The following PNPLA8 variants were observed in gnomAD, a reference collection of about 807,000 sequenced individuals.
PNPLA8 encodes patatin like domain 8, phospholipase A2.
PNPLA8 carries 39 observed loss-of-function variants against 76.9 expected under a neutral mutation model. The observed-to-expected ratio is 0.51, with a 90% CI of 0.39 to 0.66. The LOEUF (loss-of-function observed/expected upper bound fraction) is 0.66, where lower values mean the gene tolerates loss of function less well. PNPLA8 is among the 30% of genes least tolerant of loss of function. The pLI is 0.00. For synonymous variants in PNPLA8, 301 were observed against 307.9 expected (o/e 0.98, Z 0.24); for missense variants, 887 against 918.0 (o/e 0.97, Z 0.44).
intron 4 of PNPLA8, chr7:108,511,100 T>C: frequency 1.6e-6 from 1 of 643,234 alleles, no homozygotes; most frequent in South Asian, 2.2e-5. Flanking sequence ...AGCATTTCTC[T>C]TTCCTTTCCT....
At chr7:108,512,014 C>T (rs916439438) in intron 4 of PNPLA8, among the ~76,000 whole-genome samples, 7 of 152,100 alleles carry the variant, frequency 4.6e-5, no homozygotes. Flanking sequence ...AGAAGAAACC[C>T]GTGGCAACTT....
Position 108,479,939 on chromosome 7 carries a change from T to C in PNPLA8, c.1879-560A>G, listed in dbSNP as rs1327363855. Among the ~76,000 whole-genome samples, 3 of 152,176 alleles carry C rather than the reference T, an allele frequency of 2.0e-5. No homozygotes were observed. In the East Asian group the frequency reaches 5.8e-4, roughly 29 times the overall value. ...CTTCAAAAGGAAACAAAGGTATTAA[T>C]AAAATATGCTGATAGAGCACTATAA... is the stretch of plus-strand genomic sequence containing the variant. On this transcript the variant is annotated intron_variant, in intron 9 of 10. Transcript: ENST00000257694.
rs1321495813 is a variant in PNPLA8 at position 108,514,448 on chromosome 7, A to T, written c.1044T>A (p.Leu348=). 1.2e-6 allele frequency: 2 copies of T among 1,605,500 alleles called. No individual in the cohort carries two copies. The highest frequency in any genetic ancestry group is 8.5e-7 in the Non-Finnish European group (1 of 1,176,526). ...RNAEEKKRLS[L]QREKIIARVS... ...CTGAACAACTTGCCTTTTCTCGCTG[A>T]AGAGATAAACGCTTTTTCTCCTCTG... Residue 348 remains leucine (L), a synonymous_variant, in exon 3 of 11, where the codon CTT becomes CTA. Coordinates refer to ENST00000257694, the MANE Select transcript of PNPLA8 (RefSeq NM_001256007.3).
At chr7:108,495,133 TG>T (rs1861460729) in intron 7 of PNPLA8, among the ~76,000 whole-genome samples, 1 of 152,134 alleles carries the variant, frequency 6.6e-6, no homozygotes, top group Admixed American at 6.5e-5. Flanking sequence ...ACCACTGTAT[TG>T]AAGAACAAAT....
intron 9 of PNPLA8, among the ~76,000 whole-genome samples, chr7:108,484,910 A>G (rs1417189121): frequency 1.3e-5 from 2 of 152,208 alleles, no homozygotes; most frequent in African/African-American, 4.8e-5. Flanking sequence ...CTGTCCAGTT[A>G]TAATGAAAAT....
chr7:108,514,941 A>G lies in PNPLA8; in HGVS notation c.551T>C (p.Ile184Thr), dbSNP rs755347361. The part of the protein sequence containing the change: ...KSHIIDKEED[I>T]GKRSLFHYTS... ...GTAATGAAAAAGACTGCGTTTACCT[A>G]TATCTTCTTCTTTGTCTATAATGTG... Residue 184 changes from isoleucine (I) to threonine (T), a missense_variant, in exon 3 of 11, where the codon ATA becomes ACA. Physicochemically the swap from Ile to Thr is moderately conservative, Grantham distance 89. Coordinates refer to ENST00000257694, the MANE Select transcript of PNPLA8 (RefSeq NM_001256007.3). 5 of 1,609,698 alleles carry G rather than the reference A, an allele frequency of 3.1e-6. No homozygotes were observed. The highest frequency in any genetic ancestry group is 1.7e-5 in the Admixed American group (1 of 59,226).
Position 108,515,155 on chromosome 7 carries a change from T to C in PNPLA8, c.337A>G (p.Lys113Glu), listed in dbSNP as rs1452520888. 1.2e-6 allele frequency: 2 copies of C among 1,607,662 alleles called. No individual in the cohort carries two copies. Among genetic ancestry groups the C allele is most frequent in the Non-Finnish European group, 1.7e-6 (2 of 1,176,232 alleles). ...TCATTTTGATTGCCAAAAACAGCCT[T>C]TGAAACAGAGTTCAAAGTACTTTTA... ...RIKSTLNSVS[K>E]AVFGNQNEMI... The change falls in exon 3 of 11, where the codon AAG becomes GAG. Residue 113 changes from lysine (K) to glutamate (E), a missense_variant. By Grantham distance (56) the Lys-to-Glu change is moderately conservative. Transcript: ENST00000257694.
chr7:108,518,758 T>TATATAC (rs1554690263), intron 2 of PNPLA8, among the ~76,000 whole-genome samples: 110 of 122,912 alleles, frequency 8.9e-4, no homozygotes, highest in South Asian at 4.1e-3. Flanking sequence ...TATATATATA[T>TATATAC]ACACACACAC....
At chr7:108,493,564 CTG>C (rs1037044778) in intron 7 of PNPLA8, among the ~76,000 whole-genome samples, 1 of 136,212 alleles carries the variant, frequency 7.3e-6, no homozygotes, top group Non-Finnish European at 1.6e-5. Flanking sequence ...GCCCCCATGC[CTG>C]GCTTTTTTTT....
intron 9 of PNPLA8, among the ~76,000 whole-genome samples, chr7:108,483,124 T>C (rs1320622256): frequency 6.6e-6 from 1 of 152,246 alleles, no homozygotes; most frequent in Non-Finnish European, 1.5e-5. Context: ...TCCCAAATAA[T>C]ACTCTGGTTG....
At chr7:108,482,191 C>T (rs960742974) in intron 9 of PNPLA8, among the ~76,000 whole-genome samples, 2 of 152,132 alleles carry the variant, frequency 1.3e-5, no homozygotes, top group Non-Finnish European at 2.9e-5. Flanking sequence ...ATTGTTTAGG[C>T]CAGGTGCAGT....
intron 1 of PNPLA8, among the ~76,000 whole-genome samples, chr7:108,521,872 C>T (rs1280115792): frequency 1.3e-5 from 2 of 152,122 alleles, no homozygotes; most frequent in South Asian, 4.1e-4. Context: ...CTGAACAGAC[C>T]CCTCCTCTTG....
chr7:108,504,042 A>G (rs1862152996), intron 4 of PNPLA8, among the ~76,000 whole-genome samples: 1 of 152,198 alleles, frequency 6.6e-6, no homozygotes, highest in East Asian at 1.9e-4. Flanking sequence ...TGGTTAAGTG[A>G]ACACACCCTG....
chr7:108,495,433 A>T (rs1387792528), intron 7 of PNPLA8, among the ~76,000 whole-genome samples: 1 of 152,182 alleles, frequency 6.6e-6, no homozygotes, highest in Non-Finnish European at 1.5e-5. Flanking sequence ...TGTAAAGAGA[A>T]TGGATACACA....
At chr7:108,512,374 C>G (rs1214186469) in intron 4 of PNPLA8, among the ~76,000 whole-genome samples, 1 of 151,998 alleles carries the variant, frequency 6.6e-6, no homozygotes, top group Non-Finnish European at 1.5e-5. Flanking sequence ...TCTAAACAGT[C>G]AAAGTTCTTC....
At chr7:108,500,554 A>G (rs1340734778) in intron 5 of PNPLA8, among the ~76,000 whole-genome samples, 3 of 152,192 alleles carry the variant, frequency 2.0e-5, no homozygotes, top group African/African-American at 4.8e-5. Context: ...TCCCAGTCAC[A>G]CACAGGTTTA....
intron 8 of PNPLA8, among the ~76,000 whole-genome samples, chr7:108,490,387 G>T (rs114115183): frequency 6.6e-6 from 1 of 152,156 alleles, no homozygotes; most frequent in African/African-American, 2.4e-5. Context: ...CTTGCACAAT[G>T]ACAAAATAAT....
At chr7:108,511,056 A>AAAAG in intron 4 of PNPLA8, 3 of 647,588 alleles carry the variant, frequency 4.6e-6, no homozygotes, top group Non-Finnish European at 7.8e-6. Context: ...AAAAAAAAAA[A>AAAAG]AAAGAAAACT....
chr7:108,479,382 G>A lies in PNPLA8; in HGVS notation c.1879-3C>T. 1 of 1,592,440 alleles carries A rather than the reference G, an allele frequency of 6.3e-7. No homozygotes were observed. Among genetic ancestry groups the A allele is most frequent in the Non-Finnish European group, 8.6e-7 (1 of 1,167,794 alleles). Reference sequence around the variant, plus strand: ...TTATTCAGAAGCAAACCTCCATCCTGCAAAATACAAGTTAAAAAAAGAAAC... The same window carrying A: ...TTATTCAGAAGCAAACCTCCATCCTACAAAATACAAGTTAAAAAAAGAAAC... On this transcript the variant is annotated splice_region_variant and splice_polypyrimidine_tract_variant and intron_variant, in intron 9 of 10. Transcript: ENST00000257694.
Sources: gnomAD v4.1 joint callset for allele counts (sites outside exome capture counted in the v4.1 genomes callset) on GRCh38, gnomAD v4.1.1 for gene constraint, MANE v1.5 for transcripts, NCBI Gene and HGNC (gene_info 2026-07-23, HGNC 2026-07-21) for gene names.